Variants in YES1 observed in about 807,000 individuals in gnomAD.
YES1 encodes the protein tyrosine-protein kinase Yes.
A neutral mutation model predicts 70.4 loss-of-function variants in YES1; 39 were observed. That is an observed-to-expected ratio of 0.55 (90% CI 0.43 to 0.72). The LOEUF (loss-of-function observed/expected upper bound fraction) is 0.72. Among genes scored for constraint, YES1 ranks in the 30% least tolerant of loss-of-function variants. The probability of loss-of-function intolerance (pLI) is 0.00; values close to 1 mark genes in which losing one functional copy is unlikely to be tolerated. For synonymous variants in YES1, 198 were observed against 218.6 expected (o/e 0.91, Z 0.83); for missense variants, 495 against 644.8 (o/e 0.77, Z 2.52).
chr18:770,459 T>A (rs1009366422), intron 1 of YES1, among the ~76,000 whole-genome samples: 1 of 152,128 alleles, frequency 6.6e-6, no homozygotes, highest in Non-Finnish European at 1.5e-5. Context: ...ACTCCATGTA[T>A]GTTCATTCTA....
At chr18:808,914 C>G (rs1407058244) in intron 1 of YES1, among the ~76,000 whole-genome samples, 1 of 152,188 alleles carries the variant, frequency 6.6e-6, no homozygotes, top group African/African-American at 2.4e-5. Flanking sequence ...TTATTTTATG[C>G]TGAGATTTCA....
At chr18:757,597 G>A (rs1468765046) in intron 1 of YES1, among the ~76,000 whole-genome samples, 4 of 151,612 alleles carry the variant, frequency 2.6e-5, no homozygotes, top group African/African-American at 7.3e-5. Flanking sequence ...TAGGCGGACC[G>A]ATCACTTGAG....
intron 1 of YES1, among the ~76,000 whole-genome samples, chr18:783,796 G>A (rs531250887): frequency 6.6e-6 from 1 of 152,094 alleles, no homozygotes; most frequent in South Asian, 2.1e-4. Flanking sequence ...TGTATTTTTA[G>A]TAGAAACGGG....
chr18:782,080 C>A (rs1426591314), intron 1 of YES1, among the ~76,000 whole-genome samples: 1 of 152,104 alleles, frequency 6.6e-6, no homozygotes, highest in Non-Finnish European at 1.5e-5. Context: ...CATTTTCTCT[C>A]CTCTCCCCAA....
intron 6 of YES1, among the ~76,000 whole-genome samples, chr18:745,178 G>A (rs2080265031): frequency 6.6e-6 from 1 of 152,096 alleles, no homozygotes; most frequent in South Asian, 2.1e-4. Flanking sequence ...AAAATTTTGA[G>A]ACAGAAGATT....
At chr18:731,941 T>C (rs1225218582) in intron 11 of YES1, among the ~76,000 whole-genome samples, 1 of 116,226 alleles carries the variant, frequency 8.6e-6, no homozygotes, top group Non-Finnish European at 1.6e-5. Flanking sequence ...CACTCCAGCC[T>C]GGGCGACAGA....
chr18:763,318 G>A (rs1283002841), intron 1 of YES1, among the ~76,000 whole-genome samples: 1 of 152,136 alleles, frequency 6.6e-6, no homozygotes, highest in African/African-American at 2.4e-5. Flanking sequence ...TATGACAAAA[G>A]GATGAATTAT....
At chr18:748,663 T>C (rs1040011319) in intron 3 of YES1, among the ~76,000 whole-genome samples, 2 of 152,224 alleles carry the variant, frequency 1.3e-5, no homozygotes, top group African/African-American at 4.8e-5. Context: ...TGTAATTGAC[T>C]TCTTTTACTT....
At position 807,906 on chromosome 18, in the gene YES1, GA is replaced by G. The variant is rs1907179241; in HGVS notation, c.-9+4207del. Among the ~76,000 whole-genome samples, 8 of 152,232 alleles carry G rather than the reference GA, an allele frequency of 5.3e-5. 1 individual carries two copies. In the South Asian group the frequency reaches 1.7e-3, roughly 32 times the overall value. Reference sequence around the variant, plus strand: ...AATTCTAAGAATCACAGCTTAAAGTGAAATGAAGTATAATGCTTCAAGGAAC... The same window carrying G: ...AATTCTAAGAATCACAGCTTAAAGTGAATGAAGTATAATGCTTCAAGGAAC... On this transcript the variant is annotated intron_variant, in intron 1 of 11. Transcript: ENST00000314574.
chr18:768,585 A>G (rs1905012063), intron 1 of YES1, among the ~76,000 whole-genome samples: 2 of 152,166 alleles, frequency 1.3e-5, no homozygotes, highest in African/African-American at 2.4e-5. Context: ...AACATATACC[A>G]TCATGTGCAG....
intron 1 of YES1, among the ~76,000 whole-genome samples, chr18:781,799 G>C (rs936059908): frequency 6.6e-6 from 1 of 152,002 alleles, no homozygotes; most frequent in Admixed American, 6.6e-5. Flanking sequence ...TATCTTGCAA[G>C]GTTGTAAGAA....
intron 1 of YES1, among the ~76,000 whole-genome samples, chr18:759,756 C>T (rs889820418): frequency 1.3e-5 from 2 of 151,850 alleles, no homozygotes; most frequent in African/African-American, 4.8e-5. Context: ...GGTACATGTG[C>T]ACAACGTGCA....
At chr18:793,839 AAC>A (rs1202814455) in intron 1 of YES1, among the ~76,000 whole-genome samples, 1 of 152,212 alleles carries the variant, frequency 6.6e-6, no homozygotes, top group East Asian at 1.9e-4. Flanking sequence ...TTGCTGACCA[AAC>A]ACAGAATCTG....
At chr18:798,475 A>C (rs1432765801) in intron 1 of YES1, among the ~76,000 whole-genome samples, 1 of 152,190 alleles carries the variant, frequency 6.6e-6, no homozygotes, top group Admixed American at 6.5e-5. Context: ...AAAACAATAC[A>C]AAAACTAAGA....
rs184327254 is a variant in YES1, at chr18:775,573, G to A, written c.-8-18738C>T. On this transcript the variant is annotated intron_variant, in intron 1 of 11. Transcript: ENST00000314574. The stretch of plus-strand genomic sequence containing the variant: ...ACACTTTGGAAAGCCAAAGCAGGAG[G>A]ATTGTGTGAGCCCAGGAGTTTGAGA... Among the ~76,000 whole-genome samples, 6 of 152,312 alleles carry A rather than the reference G, an allele frequency of 3.9e-5. No homozygotes were observed. In the East Asian group the frequency reaches 1.2e-3, roughly 29 times the overall value.
intron 1 of YES1, among the ~76,000 whole-genome samples, chr18:799,405 GTTT>G (rs1906704993): frequency 6.6e-6 from 1 of 152,212 alleles, no homozygotes; most frequent in African/African-American, 2.4e-5. Context: ...GTGTGCCAGA[GTTT>G]TTAAGAAGTA....
At chr18:731,138 G>T (rs956530087) in intron 11 of YES1, among the ~76,000 whole-genome samples, 1 of 152,160 alleles carries the variant, frequency 6.6e-6, no homozygotes, top group Non-Finnish European at 1.5e-5. Context: ...GTGGTGGTCA[G>T]AAAGTAGATG....
intron 9 of YES1, 28 bp downstream of exon 9, chr18:739,707 A>C: frequency 1.3e-6 from 2 of 1,524,906 alleles, no homozygotes; most frequent in Non-Finnish European, 1.8e-6. Context: ...CTTTTAATTC[A>C]AATGGATACA....
At chr18:724,737 G>C (rs2079998198) in intron 11 of YES1, 105 bp from the exon 12 acceptor site, 1 of 813,990 alleles carries the variant, frequency 1.2e-6, no homozygotes, top group African/African-American at 1.7e-5. Flanking sequence ...ATTATTTAGT[G>C]AAACAATTCT....
Sources: allele counts gnomAD v4.1 joint callset (sites outside exome capture counted in the v4.1 genomes callset), GRCh38; gene constraint gnomAD v4.1.1; transcripts MANE v1.5; gene names NCBI Gene and HGNC (gene_info 2026-07-23, HGNC 2026-07-21).